The following CYP39A1 variants were observed in gnomAD, a reference collection of about 807,000 sequenced individuals.
CYP39A1 encodes the protein 24-hydroxycholesterol 7-alpha-hydroxylase.
A neutral mutation model predicts 58.1 loss-of-function variants in CYP39A1; 49 were observed. The observed-to-expected ratio is 0.84, with a 90% CI of 0.67 to 1.07. CYP39A1 has a LOEUF of 1.07. Ranked by LOEUF, CYP39A1 falls within the 50% of genes least tolerant of loss-of-function variation. The probability of loss-of-function intolerance (pLI) is 0.00; values close to 1 mark genes in which losing one functional copy is unlikely to be tolerated. For missense variants in CYP39A1, 531 were observed against 539.4 expected (o/e 0.98, Z 0.16); for synonymous variants, 209 against 187.6 (o/e 1.11, Z -0.93).
At chr6:46,634,312 G>A (rs1049888515) in intron 5 of CYP39A1, among the ~76,000 whole-genome samples, 5 of 152,076 alleles carry the variant, frequency 3.3e-5, no homozygotes, top group African/African-American at 1.2e-4. Flanking sequence ...TGATTGTGAG[G>A]CCTCCCCAGC....
intron 7 of CYP39A1, among the ~76,000 whole-genome samples, chr6:46,616,123 T>C (rs559915363): frequency 0.43 from 3,438 of 8,028 alleles, 151 homozygotes; most frequent in Middle Eastern, 0.5. Context: ...CTCTTTCTTT[T>C]CTTTCTTTCT....
chr6:46,553,073 C>CA (rs34991519), intron 11 of CYP39A1, among the ~76,000 whole-genome samples: 1,700 of 81,076 alleles, frequency 0.021, 16 homozygotes, highest in East Asian at 0.047. Flanking sequence ...ACCCCCCAAC[C>CA]AAAAAAAAAA....
In CYP39A1 at chr6:46,625,484, C is replaced by T. The variant is rs138760821; in HGVS notation, c.865G>A (p.Val289Ile). The T allele has an allele frequency of 9.2e-5, 148 of 1,608,948 alleles. No homozygotes were observed. Among genetic ancestry groups the T allele is most frequent in the Non-Finnish European group, 1.1e-4 (133 of 1,177,462 alleles). The change falls in exon 7 of 12, where the codon GTC becomes ATC. Residue 289 changes from valine (V) to isoleucine (I), a missense_variant. Transcript: ENST00000275016. ...TTGTGGATATCAGGATGAGAAAGGA[C>T]GTATGCAAGTGTCCAAAATGCAACC... is the stretch of plus-strand genomic sequence containing the variant. ...VPVAFWTLAY[V>I]LSHPDIHKAI...
intron 10 of CYP39A1, among the ~76,000 whole-genome samples, chr6:46,574,065 G>C (rs1405221280): frequency 6.6e-6 from 1 of 152,166 alleles, no homozygotes; most frequent in Admixed American, 6.6e-5. Flanking sequence ...GCTCATGCTG[G>C]CTTCAGGAAG....
At chr6:46,631,575 T>C (rs1244254961) in intron 5 of CYP39A1, among the ~76,000 whole-genome samples, 1 of 152,192 alleles carries the variant, frequency 6.6e-6, no homozygotes, top group African/African-American at 2.4e-5. Flanking sequence ...CCTCTGCTCT[T>C]AGCAAAATGC....
chr6:46,596,138 A>G lies in CYP39A1; in HGVS notation c.932-18T>C. 1.3e-6 allele frequency: 2 copies of G among 1,587,988 alleles called. No homozygotes were observed. The highest frequency in any genetic ancestry group is 1.7e-6 in the Non-Finnish European group (2 of 1,165,384). On this transcript the variant is annotated intron_variant, in intron 7 of 11. Transcript: ENST00000275016. ...ATCTTTGCCTGTAAAAAAATTTTTA[A>G]TGAGAAATAAATAGACTACAGAGGT...
Position 46,567,134 on chromosome 6 carries a change from A to G in CYP39A1, c.1251-13280T>C, listed in dbSNP as rs893072142. Among the ~76,000 whole-genome samples, 12 of 152,230 alleles carry G rather than the reference A, an allele frequency of 7.9e-5. 1 individual carries two copies. In the South Asian group the frequency reaches 1.7e-3, roughly 21 times the overall value. On this transcript the variant is annotated intron_variant, in intron 10 of 11. Transcript: ENST00000275016. ...ACTGAAAGCTTGTACTCTCTGCCTG[A>G]TATCTCCAATCCCCCAACCCCTGGT...
chr6:46,581,787 T>C (rs1772149018), intron 10 of CYP39A1, among the ~76,000 whole-genome samples: 1 of 152,070 alleles, frequency 6.6e-6, no homozygotes, highest in Non-Finnish European at 1.5e-5. Context: ...AAAATAAAAG[T>C]TGAAAAAGAA....
chr6:46,552,666 T>C (rs1051489717), intron 11 of CYP39A1, among the ~76,000 whole-genome samples: 1 of 152,178 alleles, frequency 6.6e-6, no homozygotes, highest in Non-Finnish European at 1.5e-5. Flanking sequence ...ACCCAAAGTT[T>C]TCACATGATT....
At chr6:46,589,604 G>A (rs912722103) in intron 8 of CYP39A1, among the ~76,000 whole-genome samples, 1 of 152,060 alleles carries the variant, frequency 6.6e-6, no homozygotes, top group Non-Finnish European at 1.5e-5. Flanking sequence ...GGGAGAGCTG[G>A]AGAGACTCAA....
chr6:46,627,706 CT>C (rs1234046494), intron 6 of CYP39A1, among the ~76,000 whole-genome samples: 4 of 151,822 alleles, frequency 2.6e-5, no homozygotes, highest in Non-Finnish European at 4.4e-5. Context: ...GCGTGAGCCA[CT>C]TTTTTTTAAT....
intron 10 of CYP39A1, among the ~76,000 whole-genome samples, chr6:46,561,841 G>A (rs933598391): frequency 1.3e-5 from 2 of 152,068 alleles, no homozygotes; most frequent in African/African-American, 2.4e-5. Context: ...TAGAAATACC[G>A]TGCATATTTT....
chr6:46,625,364 G>C, intron 7 of CYP39A1, 54 bp downstream of exon 7: 1 of 1,251,632 alleles, frequency 8.0e-7, no homozygotes, highest in Non-Finnish European at 1.1e-6. Context: ...TGCCAATAAT[G>C]TGTGACAAAC....
intron 7 of CYP39A1, among the ~76,000 whole-genome samples, chr6:46,614,106 A>C (rs1335156022): frequency 5.9e-5 from 9 of 152,172 alleles, no homozygotes; most frequent in East Asian, 5.8e-4. Context: ...TGTGATACTA[A>C]ATAGCTTAAT....
Position 46,564,087 on chromosome 6 carries a change from G to A in CYP39A1, c.1251-10233C>T, listed in dbSNP as rs539760875. Among the ~76,000 whole-genome samples the A allele has an allele frequency of 1.3e-3, 184 of 142,080 alleles. 12 individuals carry two copies. Among genetic ancestry groups the A allele is most frequent in the African/African-American group, 4.7e-3 (174 of 37,388 alleles). 93.2% of individuals were successfully genotyped at this position (142,080 alleles called of 152,430 possible). ...TGCTGAGGTGAAGGAGACCTAGTTTGTTTTTTATTTTGTATTTTTTTTATT... is the reference window on the plus strand; with the variant it reads ...TGCTGAGGTGAAGGAGACCTAGTTTATTTTTTATTTTGTATTTTTTTTATT... On this transcript the variant is annotated intron_variant, in intron 10 of 11. Coordinates refer to ENST00000275016, the MANE Select transcript of CYP39A1 (RefSeq NM_016593.5).
intron 7 of CYP39A1, among the ~76,000 whole-genome samples, chr6:46,611,665 C>T (rs1426543525): frequency 6.6e-6 from 1 of 151,790 alleles, no homozygotes; most frequent in Non-Finnish European, 1.5e-5. Context: ...GAGCATGCCT[C>T]ATAATCATGA....
At chr6:46,630,130 C>CAAAAAA (rs151149430) in intron 6 of CYP39A1, among the ~76,000 whole-genome samples, 83 of 151,402 alleles carry the variant, frequency 5.5e-4, no homozygotes, top group African/African-American at 2.0e-3. Flanking sequence ...ACAACAACAA[C>CAAAAAA]AAAAAAACCC....
chr6:46,628,070 A>T (rs1456139807), intron 6 of CYP39A1, among the ~76,000 whole-genome samples: 4 of 152,212 alleles, frequency 2.6e-5, no homozygotes. Flanking sequence ...AGAAAGGGCA[A>T]GGAGGAAAAC....
rs759279289 is a variant in CYP39A1 at position 46,587,097 on chromosome 6, C to T, written c.1230G>A (p.Gly410=). The T allele has an allele frequency of 3.2e-5, 52 of 1,611,594 alleles. No homozygotes were observed. Among genetic ancestry groups the T allele is most frequent in the Non-Finnish European group, 4.2e-5 (49 of 1,178,940 alleles). Residue 410 remains glycine, a synonymous_variant, in exon 10 of 12, where the codon GGG becomes GGA. Transcript: ENST00000275016. ...CTGACCTTGCAGGACACTGGAACTT[C>T]CCGCTTCCAAATGCCATGAAGCAGT... ...FLDCFMAFGS[G]KFQCPARWFA...
Sources: gnomAD v4.1 joint callset for allele counts (sites outside exome capture counted in the v4.1 genomes callset) on GRCh38, gnomAD v4.1.1 for gene constraint, MANE v1.5 for transcripts, NCBI Gene and HGNC (gene_info 2026-07-23, HGNC 2026-07-21) for gene names.